Variants in MORC2 observed in about 807,000 individuals in gnomAD.
The protein encoded by MORC2 is MORC family CW-type zinc finger 2.
In MORC2, 30 loss-of-function variants were observed where a neutral mutation model predicts 136.0. The ratio of observed to expected loss-of-function variants is 0.22; its 90% CI spans 0.17 to 0.30. MORC2 has a LOEUF of 0.30. Among genes scored for constraint, MORC2 ranks in the 10% least tolerant of loss-of-function variants. The probability of loss-of-function intolerance (pLI) is 1.00; values close to 1 mark genes in which losing one functional copy is unlikely to be tolerated. For missense variants in MORC2, 922 were observed against 1,333.1 expected (o/e 0.69, Z 4.80); for synonymous variants, 439 against 487.0 (o/e 0.90, Z 1.30).
In MORC2 at chr22:30,936,589, G is replaced by A; in HGVS notation, c.1659C>T (p.Asp553=). Residue 553 remains aspartate (D), a synonymous_variant, in exon 17 of 26, where the codon GAC becomes GAT. Coordinates refer to ENST00000397641, the MANE Select transcript of MORC2 (RefSeq NM_001303256.3). ...TCTGCTTCTCTTCCTGCGTCTTCATGTCCTTTCTGAATGTTCCCAGGGGAA... is the reference window on the plus strand; with the variant it reads ...TCTGCTTCTCTTCCTGCGTCTTCATATCCTTTCTGAATGTTCCCAGGGGAA... ...QKVPLGTFRK[D]MKTQEEKQKQ... is the part of the protein sequence containing the mutation. 2 of 1,614,144 alleles carry A rather than the reference G, an allele frequency of 1.2e-6. No individual in the cohort carries two copies. The highest frequency in any genetic ancestry group is 1.1e-5 in the South Asian group (1 of 91,086).
chr22:30,940,724 AC>A (rs750156809), intron 10 of MORC2, 33 bp downstream of exon 10: 25 of 1,591,104 alleles, frequency 1.6e-5, no homozygotes, highest in South Asian at 1.2e-4. Flanking sequence ...CCAGATGCAC[AC>A]CCCCCCAACT....
intron 10 of MORC2, among the ~76,000 whole-genome samples, chr22:30,940,548 C>G (rs2040727754): frequency 6.6e-6 from 1 of 152,104 alleles, no homozygotes; most frequent in Non-Finnish European, 1.5e-5. Flanking sequence ...CTATAAATGG[C>G]AGAAGAAGAG....
At chr22:30,957,669 T>C (rs1466448583) in intron 2 of MORC2, among the ~76,000 whole-genome samples, 2 of 152,300 alleles carry the variant, frequency 1.3e-5, no homozygotes, top group East Asian at 1.9e-4. Context: ...AATTAACAAG[T>C]GGCAAATTCA....
At chr22:30,933,172 A>G in intron 21 of MORC2, 142 bp from the exon 22 acceptor site, 1 of 1,277,496 alleles carries the variant, frequency 7.8e-7, no homozygotes, top group Non-Finnish European at 1.1e-6. Flanking sequence ...AGGGACACAG[A>G]GACCAGGGAC....
At position 30,939,968 on chromosome 22, in the gene MORC2, C is replaced by A. The variant is rs1298091854; in HGVS notation, c.978G>T (p.Arg326=). The change falls in exon 11 of 26, where the codon CGG becomes CGT. Residue 326 remains arginine (R), a synonymous_variant. Coordinates refer to ENST00000397641, the MANE Select transcript of MORC2 (RefSeq NM_001303256.3). Reference sequence around the variant, plus strand: ...TGGGCCGGGACCTTACCCTGGAGTCCCGCGTGAGGTCTCCACCTAGGCGTA... The same window carrying A: ...TGGGCCGGGACCTTACCCTGGAGTCACGCGTGAGGTCTCCACCTAGGCGTA... ...LEVRLGGDLT[R]DSRVMLRQVQ... The A allele has an allele frequency of 1.2e-6, 2 of 1,613,810 alleles. No homozygotes were observed. The highest frequency in any genetic ancestry group is 4.5e-5 in the East Asian group (2 of 44,866).
rs915214816 is a variant in MORC2, at chr22:30,937,163, C to T, written c.1499-126G>A. On this transcript the variant is annotated intron_variant, in intron 15 of 25. Coordinates refer to ENST00000397641, the MANE Select transcript of MORC2 (RefSeq NM_001303256.3). This position sits in a 1 kb window ranked among gnomAD's most constrained non-coding sequence, Gnocchi z 4.7. ...TAGGCAAAGATCTTCACTCGGGCTC[C>T]AACTCTGCCTATCCTTAGAGAATAC... 5 of 695,262 alleles carry T rather than the reference C, an allele frequency of 7.2e-6. No individual in the cohort carries two copies. In the Admixed American group the frequency reaches 1.1e-4, roughly 15 times the overall value. 43.1% of individuals were successfully genotyped at this position (695,262 alleles called of 1,614,324 possible).
chr22:30,929,226 T>C (rs893861273), intron 24 of MORC2, among the ~76,000 whole-genome samples: 1 of 152,274 alleles, frequency 6.6e-6, no homozygotes, highest in Admixed American at 6.5e-5. Flanking sequence ...AAATTCAGTA[T>C]ACAACATCTT....
At position 30,933,926 on chromosome 22, in the gene MORC2, G is replaced by T. The variant is rs551489119; in HGVS notation, c.2325+134C>A. The stretch of plus-strand genomic sequence containing the variant: ...ACAGAGTTGGTGCAGACTGCTGGTG[G>T]GGGGGGTAGACTGCTGGTGGGTTGT... On this transcript the variant is annotated intron_variant, in intron 20 of 25. Transcript: ENST00000397641. 4.7e-6 allele frequency: 5 copies of T among 1,058,632 alleles called. 1 individual carries two copies. Among genetic ancestry groups the T allele is most frequent in the African/African-American group, 3.3e-5 (2 of 60,788 alleles). The allele number at this position is 1,058,632 out of a possible 1,614,324, so 65.6% of individuals were successfully genotyped here. A position where few individuals can be genotyped will look rare whatever the true frequency, so the allele number is the denominator to read the frequency against.
intron 5 of MORC2, among the ~76,000 whole-genome samples, chr22:30,949,307 A>C (rs1368837898): frequency 6.6e-6 from 1 of 152,138 alleles, no homozygotes; most frequent in African/African-American, 2.4e-5. Flanking sequence ...GAGGGCTCAC[A>C]TCTCTCTTCC....
intron 1 of MORC2, among the ~76,000 whole-genome samples, chr22:30,959,649 A>C (rs2285919): frequency 0.11 from 16,210 of 152,250 alleles, 1,120 homozygotes; most frequent in South Asian, 0.22. Context: ...TAAAAAAAAA[A>C]CACTTGACTT....
chr22:30,938,262 GT>G, intron 12 of MORC2, 57 bp from the exon 13 acceptor site: 1 of 1,590,854 alleles, frequency 6.3e-7, no homozygotes, highest in South Asian at 1.1e-5. Flanking sequence ...GCACCATAGT[GT>G]TTAAGATGTG....
rs2040595009 is a variant in MORC2, at chr22:30,932,808, G to A, written c.2523-39C>T. 6.2e-7 allele frequency: 1 copy of A among 1,613,046 alleles called. No homozygotes were observed. Among genetic ancestry groups the A allele is most frequent in the Non-Finnish European group, 8.5e-7 (1 of 1,179,276 alleles). On this transcript the variant is annotated intron_variant, in intron 22 of 25. Transcript: ENST00000397641. This position sits in a 1 kb window ranked among gnomAD's most constrained non-coding sequence, Gnocchi z 4.4. Reference sequence around the variant, plus strand: ...ACAGCTTATGTCATGTCTGACCCGGGCTCCCAGGATGGGCTGCTGGCAGGG... The same window carrying A: ...ACAGCTTATGTCATGTCTGACCCGGACTCCCAGGATGGGCTGCTGGCAGGG...
At chr22:30,942,302 G>C (rs1478045671) in intron 6 of MORC2, 31 bp from the exon 7 acceptor site, 1 of 1,589,688 alleles carries the variant, frequency 6.3e-7, no homozygotes, top group African/African-American at 1.3e-5. Context: ...GGCACTTTAA[G>C]GGAAGCCCCA....
chr22:30,933,355 G>A, intron 21 of MORC2, 111 bp downstream of exon 21: 3 of 1,222,170 alleles, frequency 2.5e-6, no homozygotes, highest in Non-Finnish European at 3.5e-6. Context: ...CAAGAGCCCA[G>A]ACCCAGGACA....
At chr22:30,960,303 G>A (rs1435322945) in intron 1 of MORC2, among the ~76,000 whole-genome samples, 2 of 152,058 alleles carry the variant, frequency 1.3e-5, no homozygotes, top group Admixed American at 6.6e-5. Context: ...ATCACTTGGT[G>A]GAATTATAGG....
At chr22:30,954,776 T>TGGAAG (rs1354140656) in intron 3 of MORC2, among the ~76,000 whole-genome samples, 7 of 152,200 alleles carry the variant, frequency 4.6e-5, no homozygotes, top group Non-Finnish European at 1.0e-4. Flanking sequence ...ACTTGACCAT[T>TGGAAG]ACGATTTGTA....
intron 1 of MORC2, among the ~76,000 whole-genome samples, chr22:30,965,559 G>A (rs1378040956): frequency 6.6e-6 from 1 of 152,178 alleles, no homozygotes; most frequent in Non-Finnish European, 1.5e-5. Context: ...TTCTAAGGTC[G>A]AATTTGTGAT....
rs1429971905 is a variant in MORC2, at chr22:30,925,412, A to T, written c.*1391T>A. Reference sequence around the variant, plus strand: ...TACTCCAAACAGGCCTCTCCTAGAGATGTAGTCTGGGAAGGTCCAAAACCC... The same window carrying T: ...TACTCCAAACAGGCCTCTCCTAGAGTTGTAGTCTGGGAAGGTCCAAAACCC... On this transcript the variant is annotated 3_prime_UTR_variant, in exon 26 of 26. Transcript: ENST00000397641. The T allele has an allele frequency of 1.7e-5, 3 of 175,336 alleles. No homozygotes were observed. Among genetic ancestry groups the T allele is most frequent in the Non-Finnish European group, 3.7e-5 (3 of 81,812 alleles). 10.9% of individuals were successfully genotyped at this position (175,336 alleles called of 1,614,324 possible). A position where few individuals can be genotyped will look rare whatever the true frequency, so the allele number is the denominator to read the frequency against.
In MORC2 at chr22:30,937,692, C is replaced by T. The variant is rs746946265; in HGVS notation, c.1389G>A (p.Lys463=). The change falls in exon 15 of 26, where the codon AAG becomes AAA. Residue 463 remains lysine, a synonymous_variant. Coordinates refer to ENST00000397641, the MANE Select transcript of MORC2 (RefSeq NM_001303256.3). The surrounding 1 kb of genome is among the most constrained non-coding windows in gnomAD (Gnocchi z 4.7). ...DIAIAQRGII[K]FWDEFGYLSA... is the part of the protein sequence containing the mutation. ...AGAGGTAGCCAAACTCATCCCAGAA[C>T]TTGATGATTCCCCTCTGGGCTGGAA... 1.2e-6 allele frequency: 2 copies of T among 1,614,120 alleles called. No homozygotes were observed. Among genetic ancestry groups the T allele is most frequent in the South Asian group, 2.2e-5 (2 of 91,082 alleles).
Sources: gnomAD v4.1 joint callset for allele counts (sites outside exome capture counted in the v4.1 genomes callset) on GRCh38, gnomAD v4.1.1 for gene constraint, Gnocchi (gnomAD v3.1) non-coding constraint, MANE v1.5 for transcripts, NCBI Gene and HGNC (gene_info 2026-07-23, HGNC 2026-07-21) for gene names.